The following AFG2A variants were observed in gnomAD, a reference collection of about 807,000 sequenced individuals.
AFG2A encodes the protein ATPase family gene 2 protein homolog A.
At chr4:123,004,502 A>C in the AFG2A span, among the ~76,000 whole-genome samples, 1 of 152,118 alleles carries the variant, frequency 6.6e-6, no homozygotes, top group Non-Finnish European at 1.5e-5. Context: ...GAGATAATCT[A>C]GTGTTTCTTA....
At chr4:123,212,284 T>C in the AFG2A span, among the ~76,000 whole-genome samples, 1 of 152,096 alleles carries the variant, frequency 6.6e-6, no homozygotes, top group African/African-American at 2.4e-5. Flanking sequence ...ATCGCCTGCA[T>C]ACAACTCAGA....
the AFG2A span, chr4:123,319,165 A>G: frequency 1.3e-5 from 2 of 152,150 alleles, no homozygotes; most frequent in African/African-American, 2.4e-5. Flanking sequence ...TAATATATAG[A>G]TTTTGCATTT....
chr4:122,989,874 T>C, the AFG2A span, among the ~76,000 whole-genome samples: 4 of 152,214 alleles, frequency 2.6e-5, no homozygotes, highest in African/African-American at 9.6e-5. Context: ...TTATTATTTT[T>C]TGAGACGAAA....
the AFG2A span, among the ~76,000 whole-genome samples, chr4:123,126,781 T>G: frequency 6.6e-6 from 1 of 152,220 alleles, no homozygotes; most frequent in Admixed American, 6.5e-5. Flanking sequence ...TATGAGTCAA[T>G]TAAACTTTTT....
chr4:123,118,137 C>G, the AFG2A span, among the ~76,000 whole-genome samples: 1 of 150,974 alleles, frequency 6.6e-6, no homozygotes, highest in African/African-American at 2.4e-5. Context: ...ATTCAGAGAT[C>G]AAAACTGTAT....
chr4:123,129,741 T>A, the AFG2A span, among the ~76,000 whole-genome samples: 3 of 152,140 alleles, frequency 2.0e-5, no homozygotes, highest in Non-Finnish European at 4.4e-5. Flanking sequence ...CTCATCCACA[T>A]CCATGGCTTC....
the AFG2A span, among the ~76,000 whole-genome samples, chr4:123,026,780 C>T: frequency 6.6e-6 from 1 of 152,184 alleles, no homozygotes; most frequent in Non-Finnish European, 1.5e-5. Flanking sequence ...GAGAATGCAT[C>T]ACTCAGACCC....
At chr4:123,111,732 C>G in the AFG2A span, among the ~76,000 whole-genome samples, 1 of 149,772 alleles carries the variant, frequency 6.7e-6, no homozygotes, top group Non-Finnish European at 1.5e-5. Context: ...TCTTCTTCTT[C>G]TTATTATTAT....
At chr4:123,157,581 C>G in the AFG2A span, among the ~76,000 whole-genome samples, 2 of 152,204 alleles carry the variant, frequency 1.3e-5, no homozygotes, top group African/African-American at 4.8e-5. Context: ...AATTGTAACT[C>G]TTGATTTACA....
the AFG2A span, among the ~76,000 whole-genome samples, chr4:123,211,949 G>A: frequency 0.05 from 7,675 of 152,098 alleles, 660 homozygotes; most frequent in African/African-American, 0.17. Context: ...CATAGAAGAC[G>A]TCTGGAAGAA....
chr4:123,190,313 C>T, the AFG2A span, among the ~76,000 whole-genome samples: 3 of 152,116 alleles, frequency 2.0e-5, no homozygotes, highest in Admixed American at 6.5e-5. Context: ...CTCATACTAG[C>T]GTTTGAATTA....
the AFG2A span, among the ~76,000 whole-genome samples, chr4:122,931,058 A>G: frequency 2.0e-5 from 3 of 152,234 alleles, no homozygotes; most frequent in African/African-American, 7.2e-5. Flanking sequence ...TATTATTAAT[A>G]GTAATGTTAG....
chr4:123,058,484 G>A, the AFG2A span, among the ~76,000 whole-genome samples: 1 of 152,178 alleles, frequency 6.6e-6, no homozygotes. Context: ...AATTAGCTGG[G>A]CGTGGTGGTG....
At chr4:123,229,499 C>T in the AFG2A span, among the ~76,000 whole-genome samples, 1 of 151,926 alleles carries the variant, frequency 6.6e-6, no homozygotes, top group African/African-American at 2.4e-5. Flanking sequence ...TTCCAGCAAC[C>T]TCTAAGAACA....
chr4:123,136,842 C>CA, the AFG2A span, among the ~76,000 whole-genome samples: 494 of 110,406 alleles, frequency 4.5e-3, 2 homozygotes, highest in South Asian at 0.011. Flanking sequence ...AACTCCATCT[C>CA]AAAAAAAAAA....
At chr4:122,978,540 G>T in the AFG2A span, among the ~76,000 whole-genome samples, 22 of 152,340 alleles carry the variant, frequency 1.4e-4, no homozygotes, top group South Asian at 4.1e-3. Context: ...AGCTCTGACA[G>T]CCTGCCCTCC....
At chr4:123,117,606 T>C in the AFG2A span, among the ~76,000 whole-genome samples, 2 of 151,728 alleles carry the variant, frequency 1.3e-5, no homozygotes, top group East Asian at 3.9e-4. Context: ...AATTTGCAGT[T>C]GATTTTATTT....
At chr4:123,094,549 G>A in the AFG2A span, among the ~76,000 whole-genome samples, 16 of 152,102 alleles carry the variant, frequency 1.1e-4, no homozygotes, top group East Asian at 3.1e-3. Flanking sequence ...AGCTATACTG[G>A]GGGAAAAGTG....
the AFG2A span, among the ~76,000 whole-genome samples, chr4:123,262,905 C>T: frequency 1.3e-5 from 2 of 152,028 alleles, no homozygotes; most frequent in East Asian, 3.9e-4. Context: ...ATAGATGATA[C>T]CCAGAAGAAT....
Sources: gnomAD v4.1 joint callset for allele counts (sites outside exome capture counted in the v4.1 genomes callset) on GRCh38, gnomAD v4.1.1 for gene constraint, MANE v1.5 for transcripts, NCBI Gene and HGNC (gene_info 2026-07-23, HGNC 2026-07-21) for gene names.